LAMA1: variants seen among roughly 807,000 people sequenced by gnomAD.
LAMA1 encodes the protein laminin subunit alpha 1.
Under a neutral mutation model 348.7 loss-of-function variants are expected in LAMA1, and 219 were observed. The ratio of observed to expected loss-of-function variants is 0.63; its 90% confidence interval spans 0.56 to 0.70. The LOEUF (loss-of-function observed/expected upper bound fraction) is 0.70. Ranked by LOEUF, LAMA1 falls within the 30% of genes least tolerant of loss-of-function variation. The pLI, the probability that LAMA1 is intolerant of heterozygous loss-of-function variation, is 0.00. For synonymous variants in LAMA1, 1,487 were observed against 1,491.0 expected (o/e 1.00, Z 0.06); for missense variants, 3,744 against 3,888.0 (o/e 0.96, Z 0.99).
In LAMA1 at chr18:6,999,520, A is replaced by T. The variant is rs1190119115; in HGVS notation, c.4588T>A (p.Cys1530Ser). 6.2e-7 allele frequency: 1 copy of T among 1,614,156 alleles called. No individual in the cohort carries two copies. The highest frequency in any genetic ancestry group is 1.1e-5 in the South Asian group (1 of 91,076). Residue 1530 changes from cysteine to serine, a missense_variant, in exon 32 of 63, where the codon TGC becomes AGC. By Grantham distance (112) the Cys-to-Ser change is moderately radical. Coordinates refer to ENST00000389658, the MANE Select transcript of LAMA1 (RefSeq NM_005559.4). ...DCDRTSGQCVCRLGASGLRCD... is the reference protein window; with the variant it reads ...DCDRTSGQCVSRLGASGLRCD... ...CGGAGCCCCGAGGCCCCCAGCCTGC[A>T]AACGCACTGCCCAGATGTGCGGTCA...
intron 3 of LAMA1, among the ~76,000 whole-genome samples, chr18:7,066,513 C>G (rs1314884114): frequency 6.6e-6 from 1 of 152,102 alleles, no homozygotes; most frequent in Non-Finnish European, 1.5e-5. Context: ...AAAAATGTCA[C>G]CACCGTGTTA....
intron 3 of LAMA1, among the ~76,000 whole-genome samples, chr18:7,056,874 A>ATT (rs552074141): frequency 8.0e-4 from 115 of 144,428 alleles, no homozygotes; most frequent in African/African-American, 2.7e-3. Flanking sequence ...AACGCTTTGA[A>ATT]TTTTTTTTTT....
At chr18:7,037,076 A>C (rs1220440900) in intron 12 of LAMA1, among the ~76,000 whole-genome samples, 1 of 152,216 alleles carries the variant, frequency 6.6e-6, no homozygotes, top group East Asian at 1.9e-4. Context: ...ACAAAAGCAG[A>C]AAGTATTCCA....
At chr18:7,033,551 T>C (rs1387946956) in intron 14 of LAMA1, among the ~76,000 whole-genome samples, 3 of 151,968 alleles carry the variant, frequency 2.0e-5, no homozygotes, top group African/African-American at 7.3e-5. Context: ...CTGGGAGCCA[T>C]CATTATTCCC....
rs1217677456 is a variant in LAMA1, at chr18:7,050,712, C to T, written c.570G>A (p.Val190=). The change falls in exon 4 of 63, where the codon GTG becomes GTA. Residue 190 remains valine (V), a synonymous_variant. Coordinates refer to ENST00000389658, the MANE Select transcript of LAMA1 (RefSeq NM_005559.4). ...VICTSYYSRL[V]PLEHGEIHTS... ...TACCTACCTCTCCATGCTCAAGTGGCACCAATCTGGAATAATAGGAGGTGC... is the reference window on the plus strand; with the variant it reads ...TACCTACCTCTCCATGCTCAAGTGGTACCAATCTGGAATAATAGGAGGTGC... 1 of 1,613,942 alleles carries T rather than the reference C, an allele frequency of 6.2e-7. No homozygotes were observed. Among genetic ancestry groups the T allele is most frequent in the Non-Finnish European group, 8.5e-7 (1 of 1,180,022 alleles).
chr18:6,967,465 G>A lies in LAMA1; in HGVS notation c.6900-1168C>T, dbSNP rs544678663. ...CAAATCCCAGGTCCCCAACATACTAGCTGTGTGAACTTGGAAAACTCACCT... is the reference window on the plus strand; with the variant it reads ...CAAATCCCAGGTCCCCAACATACTAACTGTGTGAACTTGGAAAACTCACCT... On this transcript the variant is annotated intron_variant, in intron 48 of 62. Coordinates refer to ENST00000389658, the MANE Select transcript of LAMA1 (RefSeq NM_005559.4). Among the ~76,000 whole-genome samples, 17 of 152,288 alleles carry A rather than the reference G, an allele frequency of 1.1e-4. No homozygotes were observed. The South Asian group carries it at 3.5e-3, about 32-fold the overall frequency.
intron 1 of LAMA1, among the ~76,000 whole-genome samples, chr18:7,088,620 C>T (rs1028586219): frequency 2.0e-5 from 3 of 152,034 alleles, no homozygotes; most frequent in Admixed American, 6.6e-5. Context: ...CAGGCTCAAG[C>T]GATCCTCCTA....
chr18:7,036,343 C>T (rs1010921227), intron 12 of LAMA1, among the ~76,000 whole-genome samples: 9 of 152,194 alleles, frequency 5.9e-5, no homozygotes, highest in African/African-American at 1.4e-4. Flanking sequence ...TTGTTAGAGA[C>T]CACAAGGCAA....
intron 3 of LAMA1, chr18:7,077,001 G>C (rs1232653171): frequency 1.4e-5 from 2 of 138,196 alleles, no homozygotes; most frequent in South Asian, 2.1e-4. Context: ...TCTGAGAAAG[G>C]CTTGATCAGA....
chr18:7,060,222 A>G (rs1335832967), intron 3 of LAMA1, among the ~76,000 whole-genome samples: 1 of 152,232 alleles, frequency 6.6e-6, no homozygotes, highest in Non-Finnish European at 1.5e-5. Context: ...CATTTATATT[A>G]TATTTCAGTT....
At chr18:6,950,654 G>T in intron 58 of LAMA1, 128 bp downstream of exon 58, 1 of 1,047,380 alleles carries the variant, frequency 9.5e-7, no homozygotes, top group South Asian at 1.3e-5. Flanking sequence ...GTCTCTGGGG[G>T]AGACACCAGA....
At chr18:7,066,175 T>C (rs1259514442) in intron 3 of LAMA1, among the ~76,000 whole-genome samples, 1 of 152,242 alleles carries the variant, frequency 6.6e-6, no homozygotes, top group Admixed American at 6.5e-5. Flanking sequence ...ATGTTTTCCA[T>C]GATTTAGGCT....
rs1413918471 is a variant in LAMA1 at position 6,942,053 on chromosome 18, T to C, written c.*26A>G. 1 of 1,613,608 alleles carries C rather than the reference T, an allele frequency of 6.2e-7. No homozygotes were observed. Among genetic ancestry groups the C allele is most frequent in the Non-Finnish European group, 8.5e-7 (1 of 1,179,644 alleles). On this transcript the variant is annotated 3_prime_UTR_variant, in exon 63 of 63. Coordinates refer to ENST00000389658, the MANE Select transcript of LAMA1 (RefSeq NM_005559.4). ...CTTCTCCTCAAAATATTAGCAATGA[T>C]TCCAACTGAGGATTCTGCTTGAAGT...
intron 31 of LAMA1, 63 bp from the exon 32 acceptor site, chr18:6,999,701 A>G (rs2057799145): frequency 4.3e-6 from 6 of 1,394,346 alleles, no homozygotes; most frequent in African/African-American, 2.9e-5. Context: ...AACTTGCGAC[A>G]GTAATCATTT....
At chr18:7,014,154 C>G in intron 22 of LAMA1, 103 bp from the exon 23 acceptor site, 1 of 890,496 alleles carries the variant, frequency 1.1e-6, no homozygotes, top group South Asian at 1.4e-5. Context: ...GGAAGTTCTA[C>G]AAATGAACCA....
chr18:6,964,539 G>C, intron 51 of LAMA1, 123 bp downstream of exon 51: 2 of 1,221,720 alleles, frequency 1.6e-6, no homozygotes, highest in Non-Finnish European at 2.4e-6. Context: ...GCAGCCTCTA[G>C]AACTGGGAAA....
At chr18:6,977,633 G>A in intron 44 of LAMA1, 94 bp downstream of exon 44, 2 of 1,446,814 alleles carry the variant, frequency 1.4e-6, no homozygotes, top group Non-Finnish European at 1.9e-6. Context: ...GCCCTAAGGG[G>A]CGCAGTGTGA....
rs550794249 is a variant in LAMA1, at chr18:6,983,295, C to A, written c.5661-61G>T. On this transcript the variant is annotated intron_variant, in intron 39 of 62. Coordinates refer to ENST00000389658, the MANE Select transcript of LAMA1 (RefSeq NM_005559.4). ...ACTAAATCAAACTTGCCAATTCACT[C>A]ACAAAAATCATAAATGCCTACCAGT... is the stretch of plus-strand genomic sequence containing the variant. The A allele has an allele frequency of 4.4e-6, 7 of 1,574,038 alleles. No individual in the cohort carries two copies. The African/African-American group carries it at 9.4e-5, about 21-fold the overall frequency.
Position 7,015,716 on chromosome 18 carries a change from G to C in LAMA1, c.3126+6C>G. On this transcript the variant is annotated splice_donor_region_variant and intron_variant, in intron 22 of 62. Coordinates refer to ENST00000389658, the MANE Select transcript of LAMA1 (RefSeq NM_005559.4). ...GTTAAGCAAGAGCGTGGATGACAGT[G>C]CTCACCTGGCACCCCACCTCCGCAT... 1 of 1,613,476 alleles carries C rather than the reference G, an allele frequency of 6.2e-7. No homozygotes were observed. The highest frequency in any genetic ancestry group is 2.2e-5 in the East Asian group (1 of 44,864).
Sources: gnomAD v4.1 joint callset for allele counts (sites outside exome capture counted in the v4.1 genomes callset) on GRCh38, gnomAD v4.1.1 for gene constraint, MANE v1.5 for transcripts, NCBI Gene and HGNC (gene_info 2026-07-23, HGNC 2026-07-21) for gene names.